The following CNTNAP5 variants were observed in gnomAD, a reference collection of about 807,000 sequenced individuals.
CNTNAP5 encodes contactin associated protein family member 5, also known as contactin-associated protein-like 5.
CNTNAP5 carries 72 observed loss-of-function variants against 150.2 expected under a neutral mutation model. The observed-to-expected ratio is 0.48, with a 90% CI of 0.40 to 0.58. The LOEUF (loss-of-function observed/expected upper bound fraction) is 0.58, where lower values mean the gene tolerates loss of function less well. Ranked by LOEUF, CNTNAP5 falls within the 20% of genes least tolerant of loss-of-function variation. The pLI, the probability that CNTNAP5 is intolerant of heterozygous loss-of-function variation, is 0.00. For synonymous variants in CNTNAP5, 672 were observed against 619.8 expected, an observed-to-expected ratio of 1.08 and a Z score of -1.25; for missense variants, 1,636 against 1,626.2, an observed-to-expected ratio of 1.01 and a Z score of -0.10.
chr2:124,826,046 T>C (rs1289095736), intron 19 of CNTNAP5, among the ~76,000 whole-genome samples: 1 of 152,148 alleles, frequency 6.6e-6, no homozygotes, highest in East Asian at 1.9e-4. Flanking sequence ...CTGTTTTTTA[T>C]ATAACAAACA....
At chr2:124,707,147 GAAGAA>G (rs1679699536) in intron 13 of CNTNAP5, among the ~76,000 whole-genome samples, 1 of 40,984 alleles carries the variant, frequency 2.4e-5, no homozygotes, top group African/African-American at 7.1e-5. Context: ...AGAGGAAGAA[GAAGAA>G]GAAGAAGAAG....
intron 3 of CNTNAP5, among the ~76,000 whole-genome samples, chr2:124,335,286 C>T (rs1689443936): frequency 6.6e-6 from 1 of 151,934 alleles, no homozygotes; most frequent in Admixed American, 6.6e-5. Flanking sequence ...AAGAGAAACT[C>T]CCCTGAGAGC....
At chr2:124,150,048 G>C (rs941861564) in intron 1 of CNTNAP5, among the ~76,000 whole-genome samples, 3 of 152,140 alleles carry the variant, frequency 2.0e-5, no homozygotes, top group Admixed American at 1.3e-4. Flanking sequence ...ATGGTGAAGT[G>C]GGAAAGCCCT....
At chr2:124,843,502 A>T (rs577623152) in intron 19 of CNTNAP5, among the ~76,000 whole-genome samples, 1 of 152,058 alleles carries the variant, frequency 6.6e-6, no homozygotes, top group African/African-American at 2.4e-5. Context: ...TTTTTCATAT[A>T]ATGAATTCTT....
At chr2:124,851,898 A>G (rs1683166637) in intron 19 of CNTNAP5, among the ~76,000 whole-genome samples, 1 of 152,200 alleles carries the variant, frequency 6.6e-6, no homozygotes, top group Admixed American at 6.5e-5. Flanking sequence ...GTAAGCAGGC[A>G]TTGTTCGGAC....
At chr2:124,627,498 A>G (rs71428155) in intron 12 of CNTNAP5, among the ~76,000 whole-genome samples, 3 of 148,678 alleles carry the variant, frequency 2.0e-5, no homozygotes, top group African/African-American at 7.3e-5. Flanking sequence ...TAGAAGAAAA[A>G]CAAACAGAAA....
chr2:124,552,191 A>G (rs1411069307), intron 10 of CNTNAP5, among the ~76,000 whole-genome samples: 1 of 152,068 alleles, frequency 6.6e-6, no homozygotes, highest in Non-Finnish European at 1.5e-5. Flanking sequence ...ATTTAATTTG[A>G]TTTCTAGAGT....
chr2:124,189,941 C>T (rs897142032), intron 1 of CNTNAP5, among the ~76,000 whole-genome samples: 3 of 152,210 alleles, frequency 2.0e-5, no homozygotes, highest in African/African-American at 7.2e-5. Context: ...TTTTCTCTGC[C>T]TCCCAAGTGG....
At chr2:124,046,303 A>G (rs576666514) in intron 1 of CNTNAP5, among the ~76,000 whole-genome samples, 2 of 152,350 alleles carry the variant, frequency 1.3e-5, no homozygotes, top group Admixed American at 1.3e-4. Context: ...AAGTAGGCAC[A>G]TTGCAAACAA....
At chr2:124,362,729 T>G (rs1224136552) in intron 3 of CNTNAP5, among the ~76,000 whole-genome samples, 1 of 152,242 alleles carries the variant, frequency 6.6e-6, no homozygotes, top group African/African-American at 2.4e-5. Context: ...AGATTTGACC[T>G]TCTTGAGATT....
At chr2:124,120,552 T>C (rs1320070192) in intron 1 of CNTNAP5, among the ~76,000 whole-genome samples, 1 of 152,226 alleles carries the variant, frequency 6.6e-6, no homozygotes, top group Non-Finnish European at 1.5e-5. Context: ...CTATCTGGTG[T>C]AATCAGCTAA....
chr2:124,785,808 T>G (rs1681554551), intron 17 of CNTNAP5, among the ~76,000 whole-genome samples: 1 of 152,212 alleles, frequency 6.6e-6, no homozygotes, highest in East Asian at 1.9e-4. Flanking sequence ...CAGAATCACA[T>G]TTTCAAATTT....
At chr2:124,416,917 A>C (rs1011244837) in intron 3 of CNTNAP5, among the ~76,000 whole-genome samples, 1 of 151,260 alleles carries the variant, frequency 6.6e-6, no homozygotes, top group African/African-American at 2.4e-5. Context: ...TTTATTCATA[A>C]AATGTTTAAG....
chr2:124,070,894 T>C (rs913351358), intron 1 of CNTNAP5, among the ~76,000 whole-genome samples: 9 of 151,928 alleles, frequency 5.9e-5, no homozygotes, highest in Non-Finnish European at 1.0e-4. Context: ...CTCCAGAAAA[T>C]ACATTCTTCT....
intron 11 of CNTNAP5, among the ~76,000 whole-genome samples, chr2:124,569,190 C>A (rs1696097294): frequency 6.6e-6 from 1 of 152,096 alleles, no homozygotes; most frequent in Non-Finnish European, 1.5e-5. Flanking sequence ...AACTTGTTTT[C>A]CTAAACTCTT....
intron 3 of CNTNAP5, among the ~76,000 whole-genome samples, chr2:124,369,729 G>A (rs1319791354): frequency 6.6e-6 from 1 of 152,112 alleles, no homozygotes; most frequent in Non-Finnish European, 1.5e-5. Context: ...TCAAAAAATG[G>A]TATGTATGCA....
At position 124,916,813 on chromosome 2, in the gene CNTNAP5, G is replaced by A. The variant is rs1009457662; in HGVS notation, c.*2525G>A. Among the ~76,000 whole-genome samples the A allele has an allele frequency of 2.0e-5, 3 of 151,906 alleles. No individual in the cohort carries two copies. Among genetic ancestry groups the A allele is most frequent in the Admixed American group, 6.6e-5 (1 of 15,248 alleles). ...TAAATGTAGATGCCAGGACAGTGCC[G>A]TCTACACGTCACTCCTATAAGTAGT... On this transcript the variant is annotated 3_prime_UTR_variant, in exon 24 of 24. Transcript: ENST00000682447.
At chr2:124,349,800 G>T (rs1312596061) in intron 3 of CNTNAP5, among the ~76,000 whole-genome samples, 3 of 149,276 alleles carry the variant, frequency 2.0e-5, no homozygotes, top group African/African-American at 7.4e-5. Context: ...ATCATTGGGA[G>T]CCTAATGCAG....
intron 1 of CNTNAP5, among the ~76,000 whole-genome samples, chr2:124,125,758 C>T (rs995972349): frequency 3.9e-5 from 6 of 152,178 alleles, no homozygotes; most frequent in African/African-American, 1.4e-4. Flanking sequence ...GATTAAGAAA[C>T]TCACTCAAAA....
Sources: allele counts gnomAD v4.1 joint callset (sites outside exome capture counted in the v4.1 genomes callset), GRCh38; gene constraint gnomAD v4.1.1; transcripts MANE v1.5; gene names NCBI Gene and HGNC (gene_info 2026-07-23, HGNC 2026-07-21).